TRIM4: variants seen among roughly 807,000 people sequenced by gnomAD.
The protein encoded by TRIM4 is tripartite motif containing 4, also known as E3 ubiquitin-protein ligase TRIM4.
A neutral mutation model predicts 33.7 loss-of-function variants in TRIM4; 29 were observed. That is an observed-to-expected ratio of 0.86 (90% CI 0.64 to 1.17). The LOEUF (loss-of-function observed/expected upper bound fraction) is 1.17, where lower values mean the gene tolerates loss of function less well. Among genes scored for constraint, TRIM4 ranks in the 50% most tolerant of loss-of-function variants. TRIM4 has a pLI of 0.00. For missense variants in TRIM4, 554 were observed against 593.7 expected, an observed-to-expected ratio of 0.93 and a Z score of 0.69; for synonymous variants, 224 against 233.0, an observed-to-expected ratio of 0.96 and a Z score of 0.35.
At chr7:99,912,543 AT>A (rs67670034) in intron 1 of TRIM4, among the ~76,000 whole-genome samples, 1,866 of 151,506 alleles carry the variant, frequency 0.012, 21 homozygotes, top group Non-Finnish European at 0.021. Flanking sequence ...AAAAAAAAAA[AT>A]AATACCATAA....
chr7:99,897,722 G>A (rs1430805112), intron 5 of TRIM4, among the ~76,000 whole-genome samples: 1 of 152,108 alleles, frequency 6.6e-6, no homozygotes, highest in African/African-American at 2.4e-5. Flanking sequence ...CCTTGTGCAA[G>A]GGGACAATCA....
intron 1 of TRIM4, among the ~76,000 whole-genome samples, chr7:99,918,364 C>T (rs1039181014): frequency 1.3e-5 from 2 of 152,108 alleles, no homozygotes; most frequent in African/African-American, 4.8e-5. Context: ...GTCAGCAGTT[C>T]GAGACCAGCC....
At chr7:99,903,656 A>G (rs1819228560) in intron 3 of TRIM4, 58 bp from the exon 4 acceptor site, 1 of 1,596,426 alleles carries the variant, frequency 6.3e-7, no homozygotes, top group South Asian at 1.1e-5. Context: ...GACCTGGAAT[A>G]CAACTGTGTG....
chr7:99,912,505 G>A (rs1428098577), intron 1 of TRIM4, among the ~76,000 whole-genome samples: 1 of 150,666 alleles, frequency 6.6e-6, no homozygotes, highest in Non-Finnish European at 1.5e-5. Flanking sequence ...ACTCCAGCCT[G>A]GGTAACAGAA....
At chr7:99,917,841 G>C (rs754358547) in intron 1 of TRIM4, 1 of 985,422 alleles carries the variant, frequency 1.0e-6, no homozygotes, top group African/African-American at 1.7e-5. Flanking sequence ...GGCTACTCTG[G>C]AAAGGATGAT....
intron 1 of TRIM4, among the ~76,000 whole-genome samples, chr7:99,912,811 T>C (rs1046086509): frequency 1.3e-5 from 2 of 152,204 alleles, no homozygotes; most frequent in African/African-American, 4.8e-5. Flanking sequence ...AATTAAATTA[T>C]AAAAGGGATT....
At position 99,916,800 on chromosome 7, in the gene TRIM4, A is replaced by G. The variant is rs183589072; in HGVS notation, c.393+2209T>C. The G allele has an allele frequency of 1.3e-4, 99 of 780,660 alleles. No individual in the cohort carries two copies. The African/African-American group carries it at 1.4e-3, about 11-fold the overall frequency. The allele number at this position is 780,660 out of a possible 1,614,324, so 48.4% of individuals were successfully genotyped here. Reference sequence around the variant, plus strand: ...CCTGTCTAAAACAAAAAAAACGATCATATCATTCCCTGCCTTAAAACCCTT... The same window carrying G: ...CCTGTCTAAAACAAAAAAAACGATCGTATCATTCCCTGCCTTAAAACCCTT... On this transcript the variant is annotated intron_variant, in intron 1 of 5. Transcript: ENST00000349062.
chr7:99,892,166 T>C lies in TRIM4; in HGVS notation c.1422A>G (p.Lys474=), dbSNP rs369816367. The change falls in exon 6 of 6, where the codon AAA becomes AAG. Residue 474 remains lysine, a synonymous_variant. Transcript: ENST00000349062. ...TTTGGTCAGGGGAAGAAAAGCCTCA[T>C]TTCCTATCAGTCACTGGTGGAATGA... is the stretch of plus-strand genomic sequence containing the variant. ...SLVIPPVTDR[K] The C allele has an allele frequency of 3.7e-6, 6 of 1,602,454 alleles. No individual in the cohort carries two copies. In the African/African-American group the frequency reaches 6.7e-5, roughly 18 times the overall value.
intron 5 of TRIM4, among the ~76,000 whole-genome samples, chr7:99,894,690 A>T (rs1818978048): frequency 6.6e-6 from 1 of 151,128 alleles, no homozygotes; most frequent in Admixed American, 6.6e-5. Flanking sequence ...AAAAGAAAAG[A>T]AAAGAAAGAA....
At chr7:99,917,374 G>A (rs976520745) in intron 1 of TRIM4, among the ~76,000 whole-genome samples, 3 of 152,182 alleles carry the variant, frequency 2.0e-5, no homozygotes, top group African/African-American at 7.2e-5. Flanking sequence ...TAGTCAGCTG[G>A]TACAACTGTA....
At chr7:99,899,537 C>T (rs1003449774) in intron 5 of TRIM4, among the ~76,000 whole-genome samples, 7 of 152,092 alleles carry the variant, frequency 4.6e-5, no homozygotes, top group Middle Eastern at 3.2e-3. Context: ...TATCAGTCTC[C>T]CTTCAAGTGA....
At chr7:99,907,576 A>G (rs984694969) in intron 3 of TRIM4, among the ~76,000 whole-genome samples, 5 of 152,256 alleles carry the variant, frequency 3.3e-5, no homozygotes, top group African/African-American at 9.6e-5. Flanking sequence ...TTTATGACAC[A>G]TATTTGGATA....
At chr7:99,897,328 T>C (rs1365215816) in intron 5 of TRIM4, among the ~76,000 whole-genome samples, 1 of 152,192 alleles carries the variant, frequency 6.6e-6, no homozygotes, top group Non-Finnish European at 1.5e-5. Context: ...ATTATACCGC[T>C]GTGGAAATGG....
intron 5 of TRIM4, chr7:99,902,129 T>G (rs1272418091): frequency 5.2e-6 from 4 of 765,214 alleles, no homozygotes; most frequent in African/African-American, 1.7e-5. Flanking sequence ...AAAACGGTTG[T>G]TTCACATATT....
chr7:99,917,478 G>A (rs559392680), intron 1 of TRIM4, among the ~76,000 whole-genome samples: 33 of 152,298 alleles, frequency 2.2e-4, no homozygotes, highest in African/African-American at 6.7e-4. Flanking sequence ...CCAGCACTTT[G>A]GGAGGCCAAG....
In TRIM4 at chr7:99,909,678, C is replaced by A; in HGVS notation, c.394-18G>T. On this transcript the variant is annotated intron_variant, in intron 1 of 5. Coordinates refer to ENST00000349062, the MANE Select transcript of TRIM4 (RefSeq NM_033091.3). ...AGTTTCTCCTGCCAGCAGAAACACA[C>A]ACAGGTAAGAAAACACATCTCCAAC... 1 of 1,576,986 alleles carries A rather than the reference C, an allele frequency of 6.3e-7. No homozygotes were observed. Among genetic ancestry groups the A allele is most frequent in the South Asian group, 1.1e-5 (1 of 90,168 alleles).
chr7:99,905,783 A>G (rs1819288337), intron 3 of TRIM4, among the ~76,000 whole-genome samples: 1 of 152,374 alleles, frequency 6.6e-6, no homozygotes, highest in South Asian at 2.1e-4. Flanking sequence ...GATTCATCTC[A>G]CAAACGTAAT....
intron 1 of TRIM4, among the ~76,000 whole-genome samples, chr7:99,915,191 C>T (rs576304653): frequency 6.6e-6 from 1 of 152,334 alleles, no homozygotes; most frequent in South Asian, 2.1e-4. Context: ...TGCTATCTAC[C>T]TCCCACCCTC....
intron 1 of TRIM4, among the ~76,000 whole-genome samples, chr7:99,912,261 T>G (rs1411668856): frequency 1.3e-5 from 2 of 152,218 alleles, no homozygotes; most frequent in African/African-American, 4.8e-5. Context: ...CCAGGCACGG[T>G]GGCTCACGCC....
Sources: allele counts gnomAD v4.1 joint callset (sites outside exome capture counted in the v4.1 genomes callset), GRCh38; gene constraint gnomAD v4.1.1; transcripts MANE v1.5; gene names NCBI Gene and HGNC (gene_info 2026-07-23, HGNC 2026-07-21).